Variants in KSR2 observed in about 807,000 individuals in gnomAD.
KSR2 encodes the protein kinase suppressor of ras 2.
A neutral mutation model predicts 107.8 loss-of-function variants in KSR2; 25 were observed. That is an observed-to-expected ratio of 0.23 (90% confidence interval 0.17 to 0.32). KSR2 has a LOEUF of 0.32. Among genes scored for constraint, KSR2 ranks in the 10% least tolerant of loss-of-function variants. KSR2 has a pLI of 1.00. For missense variants in KSR2, 887 were observed against 1,268.9 expected (o/e 0.70, Z 4.57); for synonymous variants, 480 against 507.0 (o/e 0.95, Z 0.71).
intron 5 of KSR2, among the ~76,000 whole-genome samples, chr12:117,619,573 G>A (rs1363438589): frequency 3.3e-5 from 5 of 151,528 alleles, no homozygotes; most frequent in African/African-American, 4.9e-5. Context: ...AGTATTCCAC[G>A]GTGTATATGT....
chr12:117,808,330 C>T (rs1891079270), intron 3 of KSR2, among the ~76,000 whole-genome samples: 1 of 152,170 alleles, frequency 6.6e-6, no homozygotes, highest in South Asian at 2.1e-4. Context: ...GCTTGAGAAC[C>T]TCTTAGCCTA....
intron 12 of KSR2, among the ~76,000 whole-genome samples, chr12:117,529,853 TA>T (rs369396534): frequency 0.029 from 4,222 of 147,834 alleles, 178 homozygotes; most frequent in African/African-American, 0.097. Context: ...AATAAAAAAT[TA>T]AAAAAAAAAT....
At chr12:117,662,763 C>T (rs1884491378) in intron 5 of KSR2, among the ~76,000 whole-genome samples, 1 of 152,180 alleles carries the variant, frequency 6.6e-6, no homozygotes, top group Admixed American at 6.5e-5. Flanking sequence ...TTCTCCCAAC[C>T]CCAAGCCCCA....
rs528367235 is a variant in KSR2, at chr12:117,553,406, C to T, written c.1518+1763G>A. On this transcript the variant is annotated intron_variant, in intron 9 of 19. Transcript: ENST00000339824. Reference sequence around the variant, plus strand: ...CTAGATGCAGTCGAAAGCTATTGGACGGTTTTTAAGCAGGGCATGACATAA... The same window carrying T: ...CTAGATGCAGTCGAAAGCTATTGGATGGTTTTTAAGCAGGGCATGACATAA... Among the ~76,000 whole-genome samples, 86 of 152,238 alleles carry T rather than the reference C, an allele frequency of 5.6e-4. 1 individual carries two copies. The South Asian group carries it at 0.015, about 27-fold the overall frequency.
At position 117,907,679 on chromosome 12, in the gene KSR2, C is replaced by A. The variant is rs968100543; in HGVS notation, c.181-47248G>T. Among the ~76,000 whole-genome samples the A allele has an allele frequency of 2.6e-5, 4 of 152,184 alleles. No homozygotes were observed. The highest frequency in any genetic ancestry group is 5.9e-5 in the Non-Finnish European group (4 of 68,040). ...ACAAGGCTAAAGTGAGTTAACCTTA[C>A]ACTATTTAGTCATGAAATGCAAATG... On this transcript the variant is annotated intron_variant, in intron 1 of 19. Transcript: ENST00000339824. The surrounding 1 kb of genome is among the most constrained non-coding windows in gnomAD (Gnocchi z 4.3).
chr12:117,714,865 A>T (rs572057670), intron 4 of KSR2, among the ~76,000 whole-genome samples: 107 of 152,336 alleles, frequency 7.0e-4, no homozygotes, highest in African/African-American at 2.4e-3. Flanking sequence ...ACGAAAAATT[A>T]TGCAGCCCCA....
chr12:117,928,897 G>A (rs1421209687), intron 1 of KSR2, among the ~76,000 whole-genome samples: 1 of 152,030 alleles, frequency 6.6e-6, no homozygotes, highest in Non-Finnish European at 1.5e-5. Context: ...AAAGGCAAGT[G>A]CCTGGTTTTG....
Position 117,667,578 on chromosome 12 carries a change from C to G in KSR2, c.1067G>C (p.Arg356Pro), listed in dbSNP as rs189984264. The stretch of plus-strand genomic sequence containing the variant: ...GGAGCGCTCGGACAGCAGCGGGGAG[C>G]GCTGCTGAGAGGGGATGTTCTCGCA... ...GSCENIPSQQ[R>P]SPLLSERSLR... Residue 356 changes from arginine (R) to proline (P), a missense_variant, in exon 5 of 20, where the codon CGC (arginine) becomes CCC (proline). Arg to Pro is a moderately radical substitution (Grantham distance 103). Coordinates refer to ENST00000339824, the MANE Select transcript of KSR2 (RefSeq NM_173598.6). 1.2e-6 allele frequency: 2 copies of G among 1,613,150 alleles called. No homozygotes were observed. Among genetic ancestry groups the G allele is most frequent in the East Asian group, 4.5e-5 (2 of 44,854 alleles).
At chr12:117,545,461 TC>T (rs1876789453) in intron 9 of KSR2, among the ~76,000 whole-genome samples, 1 of 152,192 alleles carries the variant, frequency 6.6e-6, no homozygotes, top group South Asian at 2.1e-4. Flanking sequence ...AATTACGAAT[TC>T]CGTTTCCTTA....
intron 4 of KSR2, among the ~76,000 whole-genome samples, chr12:117,731,321 C>CATGCGGGAGGGAGGTGGGG (rs1565984108): frequency 2.7e-5 from 4 of 150,024 alleles, no homozygotes; most frequent in Non-Finnish European, 4.4e-5. Flanking sequence ...GCAGCCGCCC[C>CATGCGGGAGGGAGGTGGGG]GTCTGAGAAG....
rs1893112969 is a variant in KSR2, at chr12:117,856,679, GT to G, written c.322-1102del. Among the ~76,000 whole-genome samples the G allele has an allele frequency of 2.0e-5, 3 of 152,060 alleles. No homozygotes were observed. In the South Asian group the frequency reaches 6.2e-4, roughly 32 times the overall value. On this transcript the variant is annotated intron_variant, in intron 2 of 19. Coordinates refer to ENST00000339824, the MANE Select transcript of KSR2 (RefSeq NM_173598.6). ...TTTAGTAGAGACAGGGTTTCACCAT[GT>G]TGGCCAGGCTGGTCTCAAACTCCTG... is the stretch of plus-strand genomic sequence containing the variant.
chr12:117,633,316 GCTC>G (rs1211234891), intron 5 of KSR2, among the ~76,000 whole-genome samples: 1 of 152,084 alleles, frequency 6.6e-6, no homozygotes, highest in Admixed American at 6.5e-5. Context: ...CTCATATCTG[GCTC>G]CTCCTTCATC....
rs1194696662 is a variant in KSR2, at chr12:117,860,221, G to A, written c.321+70C>T. The A allele has an allele frequency of 2.6e-6, 4 of 1,525,366 alleles. No homozygotes were observed. In the East Asian group the frequency reaches 6.8e-5, roughly 26 times the overall value. The allele number at this position is 1,525,366 out of a possible 1,614,324, so 94.5% of individuals were successfully genotyped here. A position where few individuals can be genotyped will look rare whatever the true frequency, so the allele number is the denominator to read the frequency against. On this transcript the variant is annotated intron_variant, in intron 2 of 19. Transcript: ENST00000339824. Reference sequence around the variant, plus strand: ...TGCTGGGCACAGCCAGAAACCTGCAGCTCAAGAGCAACACAGGGGGTAGCT... The same window carrying A: ...TGCTGGGCACAGCCAGAAACCTGCAACTCAAGAGCAACACAGGGGGTAGCT...
chr12:117,838,814 C>T (rs56370061), intron 3 of KSR2, among the ~76,000 whole-genome samples: 25,671 of 152,156 alleles, frequency 0.17, 4,141 homozygotes, highest in African/African-American at 0.43. Context: ...TTAATTGACA[C>T]TCACTATTTC....
chr12:117,708,074 T>C (rs1886600596), intron 4 of KSR2, among the ~76,000 whole-genome samples: 1 of 152,226 alleles, frequency 6.6e-6, no homozygotes, highest in Non-Finnish European at 1.5e-5. Context: ...TGGATATCTA[T>C]ACAAGGATAT....
At chr12:117,767,547 C>T (rs1433469298) in intron 3 of KSR2, among the ~76,000 whole-genome samples, 1 of 151,942 alleles carries the variant, frequency 6.6e-6, no homozygotes, top group African/African-American at 2.4e-5. Context: ...ACAATGTAAT[C>T]CCAGCACTTC....
chr12:117,604,526 G>A (rs190015629), intron 5 of KSR2, among the ~76,000 whole-genome samples: 107 of 152,246 alleles, frequency 7.0e-4, no homozygotes, highest in African/African-American at 2.3e-3. Context: ...CCTAGAGCAA[G>A]GGTAAGAAAT....
At chr12:117,659,650 G>C (rs1462950809) in intron 5 of KSR2, among the ~76,000 whole-genome samples, 1 of 152,110 alleles carries the variant, frequency 6.6e-6, no homozygotes, top group Non-Finnish European at 1.5e-5. Context: ...CTATAGCCCT[G>C]GGCAAGTCCT....
At chr12:117,767,261 A>G (rs1221550422) in intron 3 of KSR2, among the ~76,000 whole-genome samples, 1 of 149,092 alleles carries the variant, frequency 6.7e-6, no homozygotes, top group Admixed American at 6.7e-5. Flanking sequence ...AAAATCCAAA[A>G]AAAAAAAAAA....
Sources: gnomAD v4.1 joint callset for allele counts (sites outside exome capture counted in the v4.1 genomes callset) on GRCh38, gnomAD v4.1.1 for gene constraint, Gnocchi (gnomAD v3.1) non-coding constraint, MANE v1.5 for transcripts, NCBI Gene and HGNC (gene_info 2026-07-23, HGNC 2026-07-21) for gene names.